Variants in NNMT observed in about 807,000 individuals in gnomAD.
NNMT encodes the protein nicotinamide N-methyltransferase.
A neutral mutation model predicts 11.7 loss-of-function variants in NNMT; 10 were observed. The observed-to-expected ratio is 0.85, with a 90% CI of 0.53 to 1.45. The LOEUF is 1.45. NNMT is among the 40% of genes most tolerant of loss of function. The probability of loss-of-function intolerance (pLI) is 0.00; values close to 1 mark genes in which losing one functional copy is unlikely to be tolerated. For missense variants in NNMT, 381 were observed against 319.4 expected, an observed-to-expected ratio of 1.19 and a Z score of -1.47; for synonymous variants, 143 against 133.8, an observed-to-expected ratio of 1.07 and a Z score of -0.48.
chr11:114,279,028 G>A (rs559857584), intron 2 of NNMT, among the ~76,000 whole-genome samples: 84 of 152,316 alleles, frequency 5.5e-4, no homozygotes, highest in African/African-American at 2.0e-3. Context: ...CACCCAGGAC[G>A]AGGGTGTGTG....
chr11:114,298,295 G>A (rs1945404747), intron 2 of NNMT, 137 bp downstream of exon 2: 8 of 698,244 alleles, frequency 1.1e-5, no homozygotes, highest in African/African-American at 1.8e-5. Context: ...CAAGAGAGAT[G>A]AGATAGGCCC....
chr11:114,313,115 A>G lies in NNMT; in HGVS notation c.*638A>G, dbSNP rs533719627. On this transcript the variant is annotated 3_prime_UTR_variant, in exon 3 of 3. Transcript: ENST00000299964. ...AGCTGTTTCTCATTAGGCAAGTTAT[A>G]TAACCTTGCAGTGCCTCACTTTCCT... 1.3e-5 allele frequency: 2 copies of G among 152,424 alleles called. No homozygotes were observed. Among genetic ancestry groups the G allele is most frequent in the East Asian group, 1.9e-4 (1 of 5,182 alleles). The allele number at this position is 152,424 out of a possible 1,614,324, so 9.4% of individuals were successfully genotyped here.
At chr11:114,294,053 T>C (rs2135267345), upstream of NNMT, among the ~76,000 whole-genome samples, 1 of 152,318 alleles carries the variant, frequency 6.6e-6, no homozygotes, top group African/African-American at 2.4e-5. Flanking sequence ...AAACTTTGCA[T>C]GTTCTCACTT....
At chr11:114,290,701 T>C (rs546454810) in intron 2 of NNMT, among the ~76,000 whole-genome samples, 8 of 152,334 alleles carry the variant, frequency 5.3e-5, no homozygotes, top group African/African-American at 1.9e-4. Flanking sequence ...TCCACTGGGG[T>C]TCACATTCCT....
intron 2 of NNMT, among the ~76,000 whole-genome samples, chr11:114,263,472 C>T (rs902321576): frequency 7.2e-5 from 11 of 152,168 alleles, no homozygotes; most frequent in African/African-American, 2.2e-4. Flanking sequence ...CAGGAGCTTG[C>T]GTCGAGAGAC....
intron 2 of NNMT, among the ~76,000 whole-genome samples, chr11:114,311,249 G>C (rs1945546312): frequency 6.6e-6 from 1 of 152,154 alleles, no homozygotes; most frequent in Non-Finnish European, 1.5e-5. Context: ...AGGATCCCTT[G>C]AGCCCAGGAG....
chr11:114,268,538 AG>A (rs1945141206), intron 2 of NNMT, among the ~76,000 whole-genome samples: 1 of 152,128 alleles, frequency 6.6e-6, no homozygotes, highest in Non-Finnish European at 1.5e-5. Context: ...TGGGAAGCCG[AG>A]GTGGGCGGAT....
At chr11:114,298,535 G>A (rs1003286818) in intron 2 of NNMT, among the ~76,000 whole-genome samples, 1 of 152,112 alleles carries the variant, frequency 6.6e-6, no homozygotes, top group Non-Finnish European at 1.5e-5. Flanking sequence ...GCAGCTTTTG[G>A]ATGTCAGTGC....
intron 2 of NNMT, among the ~76,000 whole-genome samples, chr11:114,309,124 A>G (rs539117811): frequency 1.3e-5 from 2 of 152,278 alleles, no homozygotes; most frequent in East Asian, 1.9e-4. Context: ...CCAGAACACT[A>G]TGTTGTCACT....
At position 114,298,052 on chromosome 11, in the gene NNMT, T is replaced by G; in HGVS notation, c.256T>G (p.Tyr86Asp). The G allele has an allele frequency of 6.2e-7, 1 of 1,614,128 alleles. No individual in the cohort carries two copies. The highest frequency in any genetic ancestry group is 8.5e-7 in the Non-Finnish European group (1 of 1,180,026). ...CTTTAAGGAGATCGTCGTCACTGAC[T>G]ACTCAGACCAGAACCTGCAGGAGCT... ...ESFKEIVVTD[Y>D]SDQNLQELEK... The change falls in exon 2 of 3, where the codon TAC (tyrosine) becomes GAC (aspartate). Residue 86 changes from tyrosine to aspartate, a missense_variant. Physicochemically the swap from Tyr to Asp is radical, Grantham distance 160. Coordinates refer to ENST00000299964, the MANE Select transcript of NNMT (RefSeq NM_006169.3).
At chr11:114,280,608 C>T (rs1945252699) in intron 2 of NNMT, among the ~76,000 whole-genome samples, 1 of 152,162 alleles carries the variant, frequency 6.6e-6, no homozygotes, top group Non-Finnish European at 1.5e-5. Flanking sequence ...AAGGTACAGG[C>T]AGTGACTGGG....
At chr11:114,299,560 T>C (rs887201906) in intron 2 of NNMT, among the ~76,000 whole-genome samples, 1 of 152,214 alleles carries the variant, frequency 6.6e-6, no homozygotes, top group African/African-American at 2.4e-5. Flanking sequence ...ATATCCCCTC[T>C]TCTATTTTCT....
At chr11:114,305,605 T>A (rs1359900375) in intron 2 of NNMT, among the ~76,000 whole-genome samples, 1 of 151,848 alleles carries the variant, frequency 6.6e-6, no homozygotes, top group East Asian at 1.9e-4. Flanking sequence ...GGTGTTTGGT[T>A]TTCTGTCCTT....
chr11:114,298,156 C>T lies in NNMT; in HGVS notation c.360C>T (p.Asn120=). The change falls in exon 2 of 3, where the codon AAC becomes AAT. Residue 120 remains asparagine, a splice_region_variant and synonymous_variant. Coordinates refer to ENST00000299964, the MANE Select transcript of NNMT (RefSeq NM_006169.3). The stretch of plus-strand genomic sequence containing the variant: ...CCTATGTGTGTGATCTTGAAGGGAA[C>T]AGGTAGAGAAACTGGTGTCTACTTC... The part of the protein sequence containing the change: ...VVTYVCDLEG[N]RVKGPEKEEK... 6.2e-7 allele frequency: 1 copy of T among 1,613,896 alleles called. No individual in the cohort carries two copies. The highest frequency in any genetic ancestry group is 1.1e-5 in the South Asian group (1 of 91,058).
intron 2 of NNMT, among the ~76,000 whole-genome samples, chr11:114,301,603 AGGGGTC>A (rs2135275775): frequency 6.6e-6 from 1 of 152,176 alleles, no homozygotes; most frequent in South Asian, 2.1e-4. Context: ...AGTGGTTGCT[AGGGGTC>A]GGGGAGGGAG....
At chr11:114,285,867 G>A (rs1945294952) in intron 2 of NNMT, among the ~76,000 whole-genome samples, 3 of 152,180 alleles carry the variant, frequency 2.0e-5, no homozygotes, top group African/African-American at 7.2e-5. Context: ...TTGGAGATAA[G>A]CAGAAGGCAA....
intron 2 of NNMT, among the ~76,000 whole-genome samples, chr11:114,265,704 G>A (rs1357786000): frequency 6.6e-6 from 1 of 152,094 alleles, no homozygotes; most frequent in Non-Finnish European, 1.5e-5. Context: ...TATCAGGCCA[G>A]GTTCATGGAC....
intron 2 of NNMT, among the ~76,000 whole-genome samples, chr11:114,291,258 A>G (rs1945332385): frequency 6.6e-6 from 1 of 152,152 alleles, no homozygotes; most frequent in African/African-American, 2.4e-5. Context: ...GTGGTGTGAG[A>G]GCTAGTCTAT....
intron 2 of NNMT, among the ~76,000 whole-genome samples, chr11:114,278,803 G>T (rs1945236184): frequency 6.6e-6 from 1 of 152,312 alleles, no homozygotes; most frequent in Middle Eastern, 3.4e-3. Context: ...GCTTGCAGCA[G>T]ATGGGACCAG....
Sources: allele counts gnomAD v4.1 joint callset (sites outside exome capture counted in the v4.1 genomes callset), GRCh38; gene constraint gnomAD v4.1.1; transcripts MANE v1.5; gene names NCBI Gene and HGNC (gene_info 2026-07-23, HGNC 2026-07-21).